The following PMEPA1 variants were observed in gnomAD, a reference collection of about 807,000 sequenced individuals.
The protein encoded by PMEPA1 is prostate transmembrane protein, androgen induced 1, also known as protein TMEPAI.
PMEPA1 carries 11 observed loss-of-function variants against 23.0 expected under a neutral mutation model. The ratio of observed to expected loss-of-function variants is 0.48; its 90% confidence interval spans 0.30 to 0.79. The LOEUF is 0.79. PMEPA1 is among the 30% of genes least tolerant of loss of function. PMEPA1 has a pLI of 0.06. For synonymous variants in PMEPA1, 204 were observed against 166.4 expected (o/e 1.23, Z -1.74); for missense variants, 377 against 390.9 (o/e 0.96, Z 0.30).
At chr20:57,707,077 T>C (rs2072100315) in intron 1 of PMEPA1, among the ~76,000 whole-genome samples, 1 of 152,188 alleles carries the variant, frequency 6.6e-6, no homozygotes, top group Admixed American at 6.5e-5. Context: ...AAAGAAGGTA[T>C]CTTACAGGAT....
At chr20:57,694,573 G>C (rs773159226) in intron 1 of PMEPA1, among the ~76,000 whole-genome samples, 5 of 152,218 alleles carry the variant, frequency 3.3e-5, no homozygotes, top group Non-Finnish European at 7.3e-5. Context: ...ACACAGATGG[G>C]TGCAGTGGGC....
rs6015060 is a variant in PMEPA1, at chr20:57,704,890, C to T, written c.109+4584G>A. 1.7e-3 allele frequency among the ~76,000 whole-genome samples: 263 copies of T among 152,252 alleles called. 1 individual carries two copies. Among genetic ancestry groups the T allele is most frequent in the African/African-American group, 6.1e-3 (253 of 41,546 alleles). On this transcript the variant is annotated intron_variant, in intron 1 of 3. Coordinates refer to ENST00000341744, the MANE Select transcript of PMEPA1 (RefSeq NM_020182.5). The surrounding 1 kb of genome is among the most constrained non-coding windows in gnomAD (Gnocchi z 4.6). ...CTGAGGGAGGCAACTCTGCTGTAGA[C>T]GCTTCCAGCCTCCACAGACCTCCCG...
Position 57,653,072 on chromosome 20 carries a change from C to A in PMEPA1, c.279G>T (p.Trp93Cys). ...EDALSSEGCL[W>C]PSESTVSGNG... ...TGCCTGACACTGTGCTCTCCGAGGGCCACAGGCATCCTTCCTGCACAGGAA... is the reference window on the plus strand; with the variant it reads ...TGCCTGACACTGTGCTCTCCGAGGGACACAGGCATCCTTCCTGCACAGGAA... Residue 93 changes from tryptophan (W) to cysteine (C), a missense_variant, in exon 3 of 4, where the codon TGG becomes TGT. Physicochemically the swap from Trp to Cys is radical, Grantham distance 215. This residue lies in a region of PMEPA1 where 198 missense variants were observed against 196.3 expected (regional missense o/e 1.01). Transcript: ENST00000341744. 1 of 1,588,590 alleles carries A rather than the reference C, an allele frequency of 6.3e-7. No homozygotes were observed. Among genetic ancestry groups the A allele is most frequent in the African/African-American group, 1.3e-5 (1 of 74,628 alleles).
At chr20:57,702,240 G>A (rs767127765) in intron 1 of PMEPA1, among the ~76,000 whole-genome samples, 8 of 152,172 alleles carry the variant, frequency 5.3e-5, no homozygotes, top group Non-Finnish European at 8.8e-5. Context: ...GAGCCCCTGC[G>A]GAGGCTGTGT....
intron 1 of PMEPA1, among the ~76,000 whole-genome samples, chr20:57,680,640 A>G (rs1456706948): frequency 1.3e-5 from 2 of 152,248 alleles, no homozygotes; most frequent in African/African-American, 2.4e-5. Flanking sequence ...TTAGGCCTCA[A>G]TGTGAAGACA....
chr20:57,680,274 C>T (rs954574474), intron 1 of PMEPA1, among the ~76,000 whole-genome samples: 2 of 152,216 alleles, frequency 1.3e-5, no homozygotes, highest in Admixed American at 6.5e-5. Flanking sequence ...CGTCAACACC[C>T]GCATTCTGCA....
intron 1 of PMEPA1, among the ~76,000 whole-genome samples, chr20:57,669,303 G>A (rs1302954548): frequency 2.6e-5 from 4 of 152,070 alleles, no homozygotes; most frequent in African/African-American, 9.7e-5. Flanking sequence ...TGGGACTACA[G>A]GCACCCGCCA....
At chr20:57,690,542 T>C in intron 1 of PMEPA1, 3 of 1,292,428 alleles carry the variant, frequency 2.3e-6, no homozygotes, top group Admixed American at 2.3e-5. Context: ...GAAGGATTAA[T>C]TAACTGTAGC....
chr20:57,684,205 G>C (rs1007248188), intron 1 of PMEPA1, among the ~76,000 whole-genome samples: 2 of 151,252 alleles, frequency 1.3e-5, no homozygotes, highest in African/African-American at 4.9e-5. Flanking sequence ...ACTGCGGGAG[G>C]GGAGGCGGGT....
chr20:57,665,399 C>T (rs906257400), intron 1 of PMEPA1, among the ~76,000 whole-genome samples: 7 of 151,856 alleles, frequency 4.6e-5, no homozygotes, highest in East Asian at 1.9e-4. Context: ...CCCCCTGCCC[C>T]GGGAATCTGA....
Position 57,704,331 on chromosome 20 carries a change from G to A in PMEPA1, c.109+5143C>T, listed in dbSNP as rs929135024. On this transcript the variant is annotated intron_variant, in intron 1 of 3. Transcript: ENST00000341744. The surrounding 1 kb of genome is among the most constrained non-coding windows in gnomAD (Gnocchi z 4.6). ...CCCTGAACCATGCTCCCCCAGCCTC[G>A]GGGAGCCCCTGGCACAGCATGGTAC... Among the ~76,000 whole-genome samples the A allele has an allele frequency of 1.3e-5, 2 of 152,090 alleles. No homozygotes were observed. The highest frequency in any genetic ancestry group is 2.1e-4 in the South Asian group (1 of 4,824).
chr20:57,670,835 G>A lies in PMEPA1; in HGVS notation c.110-11138C>T, dbSNP rs570998439. Among the ~76,000 whole-genome samples, 4 of 152,294 alleles carry A rather than the reference G, an allele frequency of 2.6e-5. No homozygotes were observed. The East Asian group carries it at 7.7e-4, about 29-fold the overall frequency. On this transcript the variant is annotated intron_variant, in intron 1 of 3. Transcript: ENST00000341744. ...CTTTTTATACCACCCAGAGAGAACT[G>A]TGCAGAACCCCATTCATTTCCGAAG...
In PMEPA1 at chr20:57,709,916, TCCGCCGCCG is replaced by T. The variant is rs1035195930; in HGVS notation, c.-343_-335del. ...CGCTAGCTTTCCCCAGCCGAGCGCC[TCCGCCGCCG>T]CCGCCGCCGCCGCCTCCTCCTCCTC... On this transcript the variant is annotated 5_prime_UTR_variant, in exon 1 of 4. Transcript: ENST00000341744. The T allele has an allele frequency of 3.6e-4, 362 of 1,004,808 alleles. No homozygotes were observed. The highest frequency in any genetic ancestry group is 6.6e-4 in the East Asian group (6 of 9,128). The allele number at this position is 1,004,808 out of a possible 1,614,324, so 62.2% of individuals were successfully genotyped here.
chr20:57,660,201 G>T (rs2071394045), intron 1 of PMEPA1, among the ~76,000 whole-genome samples: 1 of 152,072 alleles, frequency 6.6e-6, no homozygotes, highest in Non-Finnish European at 1.5e-5. Context: ...GCGGAGAGAG[G>T]AAGTTGGCAC....
intron 1 of PMEPA1, among the ~76,000 whole-genome samples, chr20:57,666,314 G>A (rs2071491697): frequency 6.6e-6 from 1 of 151,982 alleles, no homozygotes; most frequent in Admixed American, 6.6e-5. Flanking sequence ...GAGGAACCGT[G>A]AGCAGGCCAC....
At chr20:57,700,815 G>A (rs1259070098) in intron 1 of PMEPA1, among the ~76,000 whole-genome samples, 1 of 152,114 alleles carries the variant, frequency 6.6e-6, no homozygotes, top group Non-Finnish European at 1.5e-5. Context: ...ATCACCGGAG[G>A]TCAGGAGTTT....
rs13040280 is a variant in PMEPA1, at chr20:57,683,972, G to A, written c.110-24275C>T. ...GGCCAAGAAACCTGGAGTGTTATGG[G>A]ATGTCCTTCTCTATCTCCTGCAGAC... On this transcript the variant is annotated intron_variant, in intron 1 of 3. Transcript: ENST00000341744. The surrounding 1 kb of genome is among the most constrained non-coding windows in gnomAD (Gnocchi z 4.3). Among the ~76,000 whole-genome samples the A allele has an allele frequency of 6.6e-6, 1 of 152,162 alleles. No individual in the cohort carries two copies. The highest frequency in any genetic ancestry group is 2.4e-5 in the African/African-American group (1 of 41,430).
At chr20:57,707,001 C>A (rs1262673595) in intron 1 of PMEPA1, among the ~76,000 whole-genome samples, 2 of 152,158 alleles carry the variant, frequency 1.3e-5, no homozygotes, top group Admixed American at 1.3e-4. Context: ...CGGCCTCATT[C>A]TTCAGATGAA....
chr20:57,652,700 T>G lies in PMEPA1; in HGVS notation c.319-102A>C. ...TTCTGCTGCATGGGACTTGGCTCTCTGGGGAAAGGGAGAGGGCAGCAGGGC... is the reference window on the plus strand; with the variant it reads ...TTCTGCTGCATGGGACTTGGCTCTCGGGGGAAAGGGAGAGGGCAGCAGGGC... On this transcript the variant is annotated intron_variant, in intron 3 of 3. Coordinates refer to ENST00000341744, the MANE Select transcript of PMEPA1 (RefSeq NM_020182.5). The surrounding 1 kb of genome is among the most constrained non-coding windows in gnomAD (Gnocchi z 6.1). 1.9e-6 allele frequency: 2 copies of G among 1,075,138 alleles called. No homozygotes were observed. Among genetic ancestry groups the G allele is most frequent in the Non-Finnish European group, 2.6e-6 (2 of 771,374 alleles). 66.6% of individuals were successfully genotyped at this position (1,075,138 alleles called of 1,614,324 possible).
Sources: gnomAD v4.1 joint callset for allele counts (sites outside exome capture counted in the v4.1 genomes callset) on GRCh38, gnomAD v4.1.1 for gene constraint, gnomAD v4.1.1 regional missense constraint, Gnocchi (gnomAD v3.1) non-coding constraint, MANE v1.5 for transcripts, NCBI Gene and HGNC (gene_info 2026-07-23, HGNC 2026-07-21) for gene names.